The following RIC1 variants were observed in gnomAD, a reference collection of about 807,000 sequenced individuals.
The protein encoded by RIC1 is RIC1 partner of RAB6A GEF complex.
Under a neutral mutation model 169.0 loss-of-function variants are expected in RIC1, and 88 were observed. The observed-to-expected ratio is 0.52, with a 90% CI of 0.44 to 0.62. The LOEUF (loss-of-function observed/expected upper bound fraction) is 0.62. Among genes scored for constraint, RIC1 ranks in the 20% least tolerant of loss-of-function variants. The pLI, the probability that RIC1 is intolerant of heterozygous loss-of-function variation, is 0.00. For missense variants in RIC1, 1,877 were observed against 1,725.5 expected (o/e 1.09, Z -1.56); for synonymous variants, 790 against 601.5 (o/e 1.31, Z -4.59).
Position 5,763,733 on chromosome 9 carries a change from C to T in RIC1, c.2706C>T (p.Val902=), listed in dbSNP as rs781526283. Residue 902 remains valine (V), a synonymous_variant, in exon 19 of 26, where the codon GTC becomes GTT. Transcript: ENST00000414202. The surrounding 1 kb of genome is among the most constrained non-coding windows in gnomAD (Gnocchi z 5.2). The stretch of plus-strand genomic sequence containing the variant: ...TCCCCCTCTTCCTGCAGACAGTTGT[C>T]CATTGTGCCAGGAAGACCGAATATG... ...TEFPLFLQTV[V]HCARKTEYAL... 5 of 1,614,046 alleles carry T rather than the reference C, an allele frequency of 3.1e-6. No individual in the cohort carries two copies. In the African/African-American group the frequency reaches 6.7e-5, roughly 22 times the overall value.
chr9:5,680,052 G>T (rs527548990), intron 2 of RIC1, among the ~76,000 whole-genome samples: 14 of 152,110 alleles, frequency 9.2e-5, no homozygotes, highest in South Asian at 4.1e-4. Flanking sequence ...TAGCATGAAG[G>T]GTTGTTGAAT....
intron 1 of RIC1, among the ~76,000 whole-genome samples, chr9:5,655,968 C>A (rs369025485): frequency 6.6e-6 from 1 of 152,036 alleles, no homozygotes; most frequent in East Asian, 1.9e-4. Context: ...CTCCCAGGTT[C>A]ACGCTATTCT....
chr9:5,687,869 G>T (rs554426142), intron 2 of RIC1, among the ~76,000 whole-genome samples: 33 of 152,216 alleles, frequency 2.2e-4, no homozygotes, highest in African/African-American at 7.9e-4. Flanking sequence ...TGGGCTACAT[G>T]AAGTTGTTCC....
chr9:5,711,495 C>G (rs1340333131), intron 3 of RIC1, among the ~76,000 whole-genome samples: 3 of 151,906 alleles, frequency 2.0e-5, no homozygotes, highest in East Asian at 1.9e-4. Flanking sequence ...TAACTCAGAG[C>G]TGTTATTTTA....
chr9:5,720,285 T>C lies in RIC1; in HGVS notation c.544T>C (p.Cys182Arg), dbSNP rs527434064. 4 of 1,613,848 alleles carry C rather than the reference T, an allele frequency of 2.5e-6. No homozygotes were observed. Among genetic ancestry groups the C allele is most frequent in the East Asian group, 4.5e-5 (2 of 44,860 alleles). ...MTNGRKAINL[C>R]TVPFSVDLQS... ...AAATGGAAGGAAAGCCATTAATCTT[T>C]GCACAGTACCCTTTTCAGTAGACCT... The change falls in exon 5 of 26, where the codon TGC becomes CGC. Residue 182 changes from cysteine (C) to arginine (R), a missense_variant. Transcript: ENST00000414202.
At chr9:5,752,576 G>T (rs906279681) in intron 12 of RIC1, among the ~76,000 whole-genome samples, 2 of 151,934 alleles carry the variant, frequency 1.3e-5, no homozygotes, top group African/African-American at 4.8e-5. Flanking sequence ...ATGTAGTTGG[G>T]ACTACAGGCA....
chr9:5,726,810 C>T (rs146549421), intron 6 of RIC1, among the ~76,000 whole-genome samples: 4,084 of 152,182 alleles, frequency 0.027, 177 homozygotes, highest in African/African-American at 0.089. Context: ...CCTTCACTTA[C>T]GAAGCTTAGT....
In RIC1 at chr9:5,763,688, G is replaced by A; in HGVS notation, c.2661G>A (p.Val887=). 2 of 1,614,104 alleles carry A rather than the reference G, an allele frequency of 1.2e-6. No individual in the cohort carries two copies. Among genetic ancestry groups the A allele is most frequent in the Non-Finnish European group, 1.7e-6 (2 of 1,180,010 alleles). Residue 887 remains valine (V), a synonymous_variant, in exon 19 of 26, where the codon GTG becomes GTA. Transcript: ENST00000414202. The surrounding 1 kb of genome is among the most constrained non-coding windows in gnomAD (Gnocchi z 5.2). ...TTCCCGACCCTCTGCTTCCCACTGT[G>A]GCAAAATTTATCACTGAGTTCCCCC... ...EPIPDPLLPT[V]AKFITEFPLF... is the part of the protein sequence containing the mutation.
At chr9:5,630,582 G>A (rs1817670848) in intron 1 of RIC1, among the ~76,000 whole-genome samples, 1 of 152,230 alleles carries the variant, frequency 6.6e-6, no homozygotes, top group South Asian at 2.1e-4. Context: ...GGTAATTCTG[G>A]TGTCTCCTTT....
intron 10 of RIC1, among the ~76,000 whole-genome samples, chr9:5,744,757 G>A (rs1825282833): frequency 6.6e-6 from 1 of 152,128 alleles, no homozygotes; most frequent in Non-Finnish European, 1.5e-5. Flanking sequence ...GGATTAGGGA[G>A]GCTTAACCTG....
intron 6 of RIC1, among the ~76,000 whole-genome samples, chr9:5,721,304 C>T (rs1002901935): frequency 3.9e-5 from 6 of 152,170 alleles, no homozygotes; most frequent in Non-Finnish European, 8.8e-5. Flanking sequence ...TCTTGTCACA[C>T]AGCCAGGAAA....
At chr9:5,705,200 T>G (rs1822503472) in intron 3 of RIC1, among the ~76,000 whole-genome samples, 1 of 151,154 alleles carries the variant, frequency 6.6e-6, no homozygotes, top group Non-Finnish European at 1.5e-5. Context: ...CTGTTTTTTT[T>G]TTTTTTTTTT....
At chr9:5,755,553 C>G (rs1297467658) in intron 15 of RIC1, among the ~76,000 whole-genome samples, 1 of 152,146 alleles carries the variant, frequency 6.6e-6, no homozygotes, top group Non-Finnish European at 1.5e-5. Context: ...AAGAGCAAAG[C>G]CATGGATAAG....
chr9:5,720,060 G>C (rs1273553954), intron 4 of RIC1, 122 bp from the exon 5 acceptor site: 2 of 656,136 alleles, frequency 3.0e-6, no homozygotes, highest in Non-Finnish European at 5.0e-6. Flanking sequence ...CAGATAAATG[G>C]AGATGTTTTG....
At chr9:5,771,132 C>A (rs2131146382) in intron 23 of RIC1, among the ~76,000 whole-genome samples, 1 of 152,280 alleles carries the variant, frequency 6.6e-6, no homozygotes, top group Non-Finnish European at 1.5e-5. Flanking sequence ...GTTAATTATG[C>A]CCACATTGTT....
chr9:5,682,248 T>C (rs998028955), intron 2 of RIC1, among the ~76,000 whole-genome samples: 4 of 152,222 alleles, frequency 2.6e-5, no homozygotes, highest in Non-Finnish European at 5.9e-5. Context: ...AGTTTCTTCC[T>C]AGCCTTGATG....
chr9:5,680,207 G>A lies in RIC1; in HGVS notation c.253-9752G>A, dbSNP rs954361579. ...GGATGAAGCCCACTTGATCATGGTG[G>A]ATAAGCTTTTTGATGTGCTGCTGGA... On this transcript the variant is annotated intron_variant, in intron 2 of 25. Coordinates refer to ENST00000414202, the MANE Select transcript of RIC1 (RefSeq NM_020829.4). Among the ~76,000 whole-genome samples the A allele has an allele frequency of 4.0e-3, 616 of 152,312 alleles. 1 individual carries two copies. Among genetic ancestry groups the A allele is most frequent in the African/African-American group, 0.014 (585 of 41,564 alleles).
At chr9:5,742,723 T>G in intron 8 of RIC1, 146 bp from the exon 9 acceptor site, 1 of 735,226 alleles carries the variant, frequency 1.4e-6, no homozygotes, top group Non-Finnish European at 2.2e-6. Context: ...TAAGTAGTCC[T>G]AAATGACCAG....
intron 1 of RIC1, among the ~76,000 whole-genome samples, chr9:5,630,264 C>T (rs915291326): frequency 6.6e-6 from 1 of 152,182 alleles, no homozygotes; most frequent in Non-Finnish European, 1.5e-5. Flanking sequence ...TGGGATACTC[C>T]CTACTCTCTG....
Sources: allele counts gnomAD v4.1 joint callset (sites outside exome capture counted in the v4.1 genomes callset), GRCh38; gene constraint gnomAD v4.1.1; non-coding constraint Gnocchi (gnomAD v3.1); transcripts MANE v1.5; gene names NCBI Gene and HGNC (gene_info 2026-07-23, HGNC 2026-07-21).